The following GALNTL6 variants were observed in gnomAD, a reference collection of about 807,000 sequenced individuals.
The protein encoded by GALNTL6 is polypeptide N-acetylgalactosaminyltransferase-like 6.
In GALNTL6, 46 loss-of-function variants were observed where a neutral mutation model predicts 73.7. The ratio of observed to expected loss-of-function variants is 0.62; its 90% CI spans 0.49 to 0.80. GALNTL6 has a LOEUF of 0.80. Among genes scored for constraint, GALNTL6 ranks in the 30% least tolerant of loss-of-function variants. The probability of loss-of-function intolerance (pLI) is 0.00; values close to 1 mark genes in which losing one functional copy is unlikely to be tolerated. For missense variants in GALNTL6, 604 were observed against 755.0 expected, an observed-to-expected ratio of 0.80 and a Z score of 2.34; for synonymous variants, 259 against 263.7, an observed-to-expected ratio of 0.98 and a Z score of 0.17.
intron 7 of GALNTL6, among the ~76,000 whole-genome samples, chr4:172,828,328 C>A (rs1479095605): frequency 6.6e-6 from 1 of 151,000 alleles, no homozygotes; most frequent in Non-Finnish European, 1.5e-5. Context: ...CTAACCCTGA[C>A]TAAACCCTCC....
chr4:173,033,686 C>G (rs543830414), intron 12 of GALNTL6, among the ~76,000 whole-genome samples: 1 of 152,252 alleles, frequency 6.6e-6, no homozygotes, highest in South Asian at 2.1e-4. Context: ...ACTAAGTGAC[C>G]ACAAAAGGTT....
At chr4:172,097,651 A>G (rs1254457173) in intron 2 of GALNTL6, among the ~76,000 whole-genome samples, 1 of 152,198 alleles carries the variant, frequency 6.6e-6, no homozygotes, top group Non-Finnish European at 1.5e-5. Flanking sequence ...CAGAGCAAAA[A>G]AGGAGCTGAG....
chr4:172,702,689 G>A (rs1478999696), intron 5 of GALNTL6, among the ~76,000 whole-genome samples: 1 of 151,988 alleles, frequency 6.6e-6, no homozygotes, highest in Admixed American at 6.6e-5. Flanking sequence ...ACAGTGAGAA[G>A]GCATCATTTT....
At chr4:172,437,354 T>A (rs1731671994) in intron 5 of GALNTL6, among the ~76,000 whole-genome samples, 1 of 152,092 alleles carries the variant, frequency 6.6e-6, no homozygotes, top group South Asian at 2.1e-4. Context: ...GAGTTCACCC[T>A]CAAATCCTTG....
intron 2 of GALNTL6, among the ~76,000 whole-genome samples, chr4:172,185,355 A>C (rs531823553): frequency 6.6e-6 from 1 of 152,350 alleles, no homozygotes; most frequent in East Asian, 1.9e-4. Context: ...ATTTTAGCCA[A>C]AGTCAGCAGC....
intron 2 of GALNTL6, among the ~76,000 whole-genome samples, chr4:171,829,457 T>G (rs1734908688): frequency 6.6e-6 from 1 of 152,122 alleles, no homozygotes; most frequent in South Asian, 2.1e-4. Flanking sequence ...CTTCTTGATA[T>G]GCACCCACAT....
chr4:172,706,251 A>G (rs1239864769), intron 5 of GALNTL6, among the ~76,000 whole-genome samples: 1 of 151,744 alleles, frequency 6.6e-6, no homozygotes, highest in East Asian at 1.9e-4. Flanking sequence ...AGACCCTCTA[A>G]TGTATTTTTC....
chr4:172,509,708 T>C (rs13119332), intron 5 of GALNTL6, among the ~76,000 whole-genome samples: 49,921 of 53,940 alleles, frequency 0.93, 24,590 homozygotes, highest in Middle Eastern at 1. Flanking sequence ...GTGTCCTTTC[T>C]GCACTTAATG....
chr4:172,538,067 A>C (rs1735410884), intron 5 of GALNTL6, among the ~76,000 whole-genome samples: 1 of 152,184 alleles, frequency 6.6e-6, no homozygotes, highest in Non-Finnish European at 1.5e-5. Flanking sequence ...GAGAGTAGAA[A>C]AAATATGAAA....
chr4:172,359,561 G>T (rs1742291655), intron 5 of GALNTL6, among the ~76,000 whole-genome samples: 1 of 152,072 alleles, frequency 6.6e-6, no homozygotes, highest in South Asian at 2.1e-4. Context: ...TAAGTACTAT[G>T]AATCAGACTT....
At chr4:172,915,710 T>C (rs1257726353) in intron 8 of GALNTL6, among the ~76,000 whole-genome samples, 8 of 152,080 alleles carry the variant, frequency 5.3e-5, no homozygotes, top group Non-Finnish European at 8.8e-5. Context: ...AGAAGTCAAA[T>C]CCCTGAACAG....
intron 2 of GALNTL6, among the ~76,000 whole-genome samples, chr4:171,821,958 A>G (rs1472723888): frequency 6.6e-6 from 1 of 152,066 alleles, no homozygotes; most frequent in African/African-American, 2.4e-5. Context: ...TTAGTTCTTG[A>G]TGTATTGTAT....
intron 2 of GALNTL6, among the ~76,000 whole-genome samples, chr4:171,817,082 T>G (rs188912198): frequency 6.6e-6 from 1 of 152,078 alleles, no homozygotes; most frequent in Admixed American, 6.5e-5. Flanking sequence ...TGCTAAATGT[T>G]CCCCAGAACA....
intron 2 of GALNTL6, among the ~76,000 whole-genome samples, chr4:171,955,757 G>T (rs948549452): frequency 8.0e-6 from 1 of 125,658 alleles, no homozygotes; most frequent in African/African-American, 2.5e-5. Context: ...AAGGCTGTGT[G>T]TGTATACGTG....
intron 7 of GALNTL6, among the ~76,000 whole-genome samples, chr4:172,877,492 A>G (rs1284954391): frequency 6.6e-6 from 1 of 152,064 alleles, no homozygotes. Context: ...ATGAAAACAT[A>G]AAGAATGTTT....
At chr4:172,349,412 A>G (rs901580102) in intron 5 of GALNTL6, among the ~76,000 whole-genome samples, 1 of 152,170 alleles carries the variant, frequency 6.6e-6, no homozygotes, top group African/African-American at 2.4e-5. Flanking sequence ...TGACAGTAAA[A>G]TATTTTGATT....
chr4:171,848,738 C>G (rs938679858), intron 2 of GALNTL6, among the ~76,000 whole-genome samples: 3 of 152,198 alleles, frequency 2.0e-5, no homozygotes, highest in African/African-American at 7.2e-5. Context: ...CATCTCTTGT[C>G]CTTCATAGCA....
At chr4:172,318,216 TAAC>T (rs1740633567) in intron 4 of GALNTL6, among the ~76,000 whole-genome samples, 1 of 152,050 alleles carries the variant, frequency 6.6e-6, no homozygotes, top group Admixed American at 6.6e-5. Context: ...CATAATGAAA[TAAC>T]AACAACAAAA....
chr4:172,666,109 T>C (rs1023512630), intron 5 of GALNTL6, among the ~76,000 whole-genome samples: 1 of 152,218 alleles, frequency 6.6e-6, no homozygotes, highest in African/African-American at 2.4e-5. Flanking sequence ...AAATTAACCA[T>C]AATTAGATTT....
Sources: gnomAD v4.1 joint callset for allele counts (sites outside exome capture counted in the v4.1 genomes callset) on GRCh38, gnomAD v4.1.1 for gene constraint, MANE v1.5 for transcripts, NCBI Gene and HGNC (gene_info 2026-07-23, HGNC 2026-07-21) for gene names.